SRPK1: variants seen among roughly 807,000 people sequenced by gnomAD.
SRPK1 encodes SRSF protein kinase 1.
In SRPK1, 52 loss-of-function variants were observed where a neutral mutation model predicts 89.5. That is an observed-to-expected ratio of 0.58 (90% CI 0.46 to 0.73). The LOEUF (loss-of-function observed/expected upper bound fraction) is 0.73, where lower values mean the gene tolerates loss of function less well. Among genes scored for constraint, SRPK1 ranks in the 30% least tolerant of loss-of-function variants. The pLI is 0.00. For synonymous variants in SRPK1, 255 were observed against 270.2 expected, an observed-to-expected ratio of 0.94 and a Z score of 0.55; for missense variants, 603 against 780.6, an observed-to-expected ratio of 0.77 and a Z score of 2.71.
intron 11 of SRPK1, 133 bp downstream of exon 11, chr6:35,869,349 T>C (rs1769981001): frequency 8.9e-7 from 1 of 1,129,874 alleles, no homozygotes; most frequent in South Asian, 1.5e-5. Context: ...TAGCTACAGA[T>C]TACAATTTAA....
intron 2 of SRPK1, among the ~76,000 whole-genome samples, chr6:35,909,162 C>G (rs1057506246): frequency 1.3e-5 from 2 of 152,196 alleles, no homozygotes; most frequent in Non-Finnish European, 2.9e-5. Flanking sequence ...CACCATGTAC[C>G]TGGAAAAGCC....
intron 6 of SRPK1, among the ~76,000 whole-genome samples, chr6:35,880,719 CAA>C (rs1364287123): frequency 7.3e-4 from 3 of 4,108 alleles, no homozygotes; most frequent in Non-Finnish European, 1.2e-3. Context: ...GACTCCATCT[CAA>C]AAAAAAAAAA....
intron 13 of SRPK1, among the ~76,000 whole-genome samples, chr6:35,851,673 T>C (rs370433648): frequency 3.9e-5 from 6 of 152,128 alleles, no homozygotes; most frequent in Non-Finnish European, 5.9e-5. Context: ...AATGTTACAT[T>C]TGAGATATTT....
In SRPK1 at chr6:35,870,961, T is replaced by C. The variant is rs1257880759; in HGVS notation, c.752-2A>G. 6.2e-7 allele frequency: 1 copy of C among 1,606,654 alleles called. No homozygotes were observed. Among genetic ancestry groups the C allele is most frequent in the Non-Finnish European group, 8.5e-7 (1 of 1,175,950 alleles). On this transcript the variant is annotated splice_acceptor_variant, in intron 8 of 15. Coordinates refer to ENST00000373825, the MANE Select transcript of SRPK1 (RefSeq NM_003137.5). LOFTEE classifies it high-confidence loss of function. ...GTTTAGGCTGGGGAGCAGTACTGAC[T>C]GAAAAGAAAAGAAAACCAAGTAAGA...
At chr6:35,897,398 C>A (rs1770647521) in intron 2 of SRPK1, among the ~76,000 whole-genome samples, 1 of 152,118 alleles carries the variant, frequency 6.6e-6, no homozygotes, top group East Asian at 1.9e-4. Context: ...GCACGTCTAT[C>A]CAACTATTAA....
intron 14 of SRPK1, among the ~76,000 whole-genome samples, chr6:35,839,479 T>TA (rs1358386366): frequency 2.6e-5 from 4 of 152,200 alleles, no homozygotes; most frequent in African/African-American, 9.6e-5. Context: ...AAGTAAAGAT[T>TA]AGCACAAACA....
At chr6:35,913,182 C>T (rs986694249) in intron 2 of SRPK1, among the ~76,000 whole-genome samples, 8 of 152,142 alleles carry the variant, frequency 5.3e-5, no homozygotes, top group Admixed American at 3.3e-4. Flanking sequence ...ATTTGTCAAG[C>T]CTGGGATGCA....
At chr6:35,869,982 C>G in intron 10 of SRPK1, 81 bp from the exon 11 acceptor site, 1 of 1,420,442 alleles carries the variant, frequency 7.0e-7, no homozygotes, top group Non-Finnish European at 9.4e-7. Context: ...AAGATTAAAA[C>G]ATTTTCTAGA....
chr6:35,869,175 A>G (rs1179478487), intron 11 of SRPK1, 65 bp from the exon 12 acceptor site: 1 of 1,333,494 alleles, frequency 7.5e-7, no homozygotes, highest in African/African-American at 1.4e-5. Context: ...ATGAGTAATA[A>G]AGCTCTCCAA....
chr6:35,840,865 T>C (rs947586915), intron 14 of SRPK1, among the ~76,000 whole-genome samples: 2 of 152,216 alleles, frequency 1.3e-5, no homozygotes. Context: ...CTAACTGGTA[T>C]AGGATGGAAT....
Position 35,890,977 on chromosome 6 carries a change from A to G in SRPK1, c.111T>C (p.Ser37=). The change falls in exon 3 of 16, where the codon TCT becomes TCC. Residue 37 remains serine (S), a synonymous_variant. Coordinates refer to ENST00000373825, the MANE Select transcript of SRPK1 (RefSeq NM_003137.5). ...ETQHRGSAPH[S]ESDLPEQEEE... ...CTTCCTGCTCTGGTAGATCACTCTC[A>G]GAGTGGGGAGCAGAGCCTCGGTGCT... is the stretch of plus-strand genomic sequence containing the variant. 6.4e-7 allele frequency: 1 copy of G among 1,553,650 alleles called. No homozygotes were observed. The highest frequency in any genetic ancestry group is 8.7e-7 in the Non-Finnish European group (1 of 1,147,646).
intron 6 of SRPK1, among the ~76,000 whole-genome samples, chr6:35,884,280 C>T (rs1167743888): frequency 6.6e-6 from 1 of 151,024 alleles, no homozygotes; most frequent in Non-Finnish European, 1.5e-5. Context: ...TGTCCTCCTT[C>T]TTAATCATTC....
intron 12 of SRPK1, among the ~76,000 whole-genome samples, chr6:35,862,973 T>C (rs1245454323): frequency 4.0e-5 from 6 of 150,460 alleles, no homozygotes; most frequent in South Asian, 2.1e-4. Flanking sequence ...CTGGGCAACA[T>C]AGTGAGACCT....
intron 2 of SRPK1, among the ~76,000 whole-genome samples, chr6:35,912,942 C>T (rs1771003600): frequency 6.6e-6 from 1 of 152,350 alleles, no homozygotes; most frequent in East Asian, 1.9e-4. Context: ...TGCCACCACA[C>T]CCAGCTAACT....
chr6:35,915,647 A>G (rs1771073049), intron 2 of SRPK1, among the ~76,000 whole-genome samples: 1 of 152,054 alleles, frequency 6.6e-6, no homozygotes, highest in African/African-American at 2.4e-5. Flanking sequence ...AACTAGGGAA[A>G]AGTATGCCCA....
intron 14 of SRPK1, among the ~76,000 whole-genome samples, chr6:35,841,401 A>G (rs922690994): frequency 1.3e-5 from 2 of 152,214 alleles, no homozygotes; most frequent in Non-Finnish European, 2.9e-5. Context: ...TACAGCATGA[A>G]ATATGCATTC....
At chr6:35,893,841 T>A (rs1449999137) in intron 2 of SRPK1, among the ~76,000 whole-genome samples, 1 of 151,584 alleles carries the variant, frequency 6.6e-6, no homozygotes, top group African/African-American at 2.4e-5. Context: ...TGAAACCCCG[T>A]CTCTACTAAA....
In SRPK1 at chr6:35,907,645, C is replaced by T. The variant is rs578153345; in HGVS notation, c.74+12823G>A. Among the ~76,000 whole-genome samples, 453 of 151,744 alleles carry T rather than the reference C, an allele frequency of 3.0e-3. 1 individual carries two copies. Among genetic ancestry groups the T allele is most frequent in the Non-Finnish European group, 5.1e-3 (346 of 67,974 alleles). On this transcript the variant is annotated intron_variant, in intron 2 of 15. Coordinates refer to ENST00000373825, the MANE Select transcript of SRPK1 (RefSeq NM_003137.5). ...ACTTGAACCCGGGAGGCGGGGGTTGCAGTGAGCCGAGATTGCACCATTGCA... is the reference window on the plus strand; with the variant it reads ...ACTTGAACCCGGGAGGCGGGGGTTGTAGTGAGCCGAGATTGCACCATTGCA...
chr6:35,878,594 G>A (rs997441058), intron 6 of SRPK1, among the ~76,000 whole-genome samples: 3 of 152,180 alleles, frequency 2.0e-5, no homozygotes, highest in African/African-American at 4.8e-5. Flanking sequence ...AAGCAGCCCT[G>A]CACACAGTTT....
Sources: allele counts gnomAD v4.1 joint callset (sites outside exome capture counted in the v4.1 genomes callset), GRCh38; gene constraint gnomAD v4.1.1; transcripts MANE v1.5; gene names NCBI Gene and HGNC (gene_info 2026-07-23, HGNC 2026-07-21).